NRAP: variants seen among roughly 807,000 people sequenced by gnomAD.
NRAP encodes nebulin-related-anchoring protein.
NRAP carries 189 observed loss-of-function variants against 225.9 expected under a neutral mutation model. That is an observed-to-expected ratio of 0.84 (90% CI 0.74 to 0.94). NRAP has a LOEUF of 0.94. Among genes scored for constraint, NRAP ranks in the 40% least tolerant of loss-of-function variants. The pLI is 0.00. For missense variants in NRAP, 2,176 were observed against 2,168.7 expected (o/e 1.00, Z -0.07); for synonymous variants, 769 against 790.7 (o/e 0.97, Z 0.46).
intron 20 of NRAP, among the ~76,000 whole-genome samples, chr10:113,627,178 A>G (rs1848333754): frequency 6.6e-6 from 1 of 152,244 alleles, no homozygotes; most frequent in African/African-American, 2.4e-5. Context: ...ACAGTCTTCT[A>G]ATTTTCCTCC....
At chr10:113,623,894 T>C (rs749303353) in intron 22 of NRAP, among the ~76,000 whole-genome samples, 11 of 152,198 alleles carry the variant, frequency 7.2e-5, no homozygotes, top group Non-Finnish European at 1.5e-4. Flanking sequence ...GGAGTTTTCG[T>C]GGAAGTCTCA....
In NRAP at chr10:113,604,698, C is replaced by A; in HGVS notation, c.4138G>T (p.Asp1380Tyr). The change falls in exon 35 of 42, where the codon GAC becomes TAC. Residue 1380 changes from aspartate to tyrosine, a missense_variant. Asp to Tyr is a radical substitution (Grantham distance 160, BLOSUM62 -3). Transcript: ENST00000359988. ...AACTTGTGATACTGTGTCCTGTAGT[C>A]GTGGTCGCTGGCCAGAGCCTGGGCA... ...KNAQALASDH[D>Y]YRTQYHKFTA... 6.2e-7 allele frequency: 1 copy of A among 1,614,166 alleles called. No individual in the cohort carries two copies. Among genetic ancestry groups the A allele is most frequent in the Non-Finnish European group, 8.5e-7 (1 of 1,180,028 alleles).
chr10:113,649,942 A>AGCC, intron 9 of NRAP, 95 bp downstream of exon 9: 1 of 725,760 alleles, frequency 1.4e-6, no homozygotes, highest in Non-Finnish European at 2.4e-6. Context: ...GATAAACCAA[A>AGCC]GCCCCACCCC....
At position 113,652,455 on chromosome 10, in the gene NRAP, C is replaced by A. The variant is rs79151605; in HGVS notation, c.570+480G>T. Among the ~76,000 whole-genome samples, 177 of 152,202 alleles carry A rather than the reference C, an allele frequency of 1.2e-3. 6 individuals are homozygous for A. In the East Asian group the frequency reaches 0.033, roughly 29 times the overall value. ...AAGAGATTAAGACCATCCTGGCCAA[C>A]ATGGTGAAACCCCATCTCTACTACT... On this transcript the variant is annotated intron_variant, in intron 6 of 41. Transcript: ENST00000359988.
intron 18 of NRAP, among the ~76,000 whole-genome samples, chr10:113,630,540 A>G (rs1848522892): frequency 6.6e-6 from 1 of 152,130 alleles, no homozygotes; most frequent in Admixed American, 6.5e-5. Context: ...GTGCCAGGTA[A>G]TAAGAGTTCT....
At position 113,623,568 on chromosome 10, in the gene NRAP, G is replaced by C; in HGVS notation, c.2418C>G (p.Thr806=). ...KGFELRLDSL[T]FLAAKAKRDL... is the part of the protein sequence containing the mutation. ...CCCTCTTGGCTTTGGCTGCCAGGAA[G>C]GTCAAGGAATCAAGACGCAGCTCAA... Residue 806 remains threonine (T), a synonymous_variant, in exon 23 of 42, where the codon ACC becomes ACG. Coordinates refer to ENST00000359988, the MANE Select transcript of NRAP (RefSeq NM_198060.4). The C allele has an allele frequency of 6.2e-7, 1 of 1,613,814 alleles. No individual in the cohort carries two copies. Among genetic ancestry groups the C allele is most frequent in the Non-Finnish European group, 8.5e-7 (1 of 1,179,762 alleles).
At chr10:113,640,432 G>T (rs575618529) in intron 13 of NRAP, 101 bp from the exon 14 acceptor site, 1 of 620,312 alleles carries the variant, frequency 1.6e-6, no homozygotes, top group Non-Finnish European at 2.8e-6. Flanking sequence ...ACCCAGAAAC[G>T]AATTCAGTTT....
intron 31 of NRAP, among the ~76,000 whole-genome samples, chr10:113,608,907 C>A (rs1179007179): frequency 6.6e-6 from 1 of 152,156 alleles, no homozygotes; most frequent in Non-Finnish European, 1.5e-5. Flanking sequence ...GCCTGTAATC[C>A]CAGCACTTTA....
In NRAP at chr10:113,588,937, T is replaced by A. The variant is rs373760059; in HGVS notation, c.*38A>T. ...TGAAGCCTGTCTCTGGTGAACAAAC[T>A]TCCTCTCTGGCCTCTCAGGAATCAG... On this transcript the variant is annotated 3_prime_UTR_variant, in exon 42 of 42. Transcript: ENST00000359988. The A allele has an allele frequency of 1.9e-6, 3 of 1,544,220 alleles. No homozygotes were observed. Among genetic ancestry groups the A allele is most frequent in the African/African-American group, 2.7e-5 (2 of 72,912 alleles).
intron 16 of NRAP, 64 bp from the exon 17 acceptor site, chr10:113,632,028 T>G: frequency 9.5e-7 from 1 of 1,057,402 alleles, no homozygotes; most frequent in South Asian, 1.3e-5. Context: ...CGTCAAAGAT[T>G]TTTTCAAAGC....
chr10:113,621,997 C>T lies in NRAP; in HGVS notation c.2641G>A (p.Val881Met), dbSNP rs189150188. ...CHVSLDMVHL[V>M]HARKAQHLAT... ...AAATGCTGAGCTTTGCGGGCATGCACGAGGTGGACCATGTCCAGGGAGACG... is the reference window on the plus strand; with the variant it reads ...AAATGCTGAGCTTTGCGGGCATGCATGAGGTGGACCATGTCCAGGGAGACG... The change falls in exon 24 of 42, where the codon GTG becomes ATG. Residue 881 changes from valine (V) to methionine (M), a missense_variant. Physicochemically the swap from Val to Met is conservative, Grantham distance 21. Transcript: ENST00000359988. The T allele has an allele frequency of 9.5e-5, 153 of 1,614,190 alleles. 3 individuals are homozygous for T. In the East Asian group the frequency reaches 1.4e-3, roughly 15 times the overall value.
intron 32 of NRAP, among the ~76,000 whole-genome samples, chr10:113,606,938 C>T (rs554834679): frequency 2.6e-5 from 4 of 152,194 alleles, no homozygotes; most frequent in South Asian, 2.1e-4. Flanking sequence ...CGTGGTGGTT[C>T]ATGCCTGTAA....
intron 24 of NRAP, among the ~76,000 whole-genome samples, chr10:113,621,174 G>C (rs1216937778): frequency 6.6e-6 from 1 of 152,212 alleles, no homozygotes; most frequent in Non-Finnish European, 1.5e-5. Context: ...ACCTCAGTGG[G>C]GGGGCAGGGT....
Position 113,612,401 on chromosome 10 carries a change from T to C in NRAP, c.3331A>G (p.Lys1111Glu), listed in dbSNP as rs764483575. The C allele has an allele frequency of 3.7e-6, 6 of 1,614,140 alleles. No homozygotes were observed. The Admixed American group carries it at 6.7e-5, about 18-fold the overall frequency. Residue 1111 changes from lysine (K) to glutamate (E), a missense_variant, in exon 30 of 42, where the codon AAG becomes GAG. Physicochemically the swap from Lys to Glu is moderately conservative, Grantham distance 56 (BLOSUM62 1). Coordinates refer to ENST00000359988, the MANE Select transcript of NRAP (RefSeq NM_198060.4). ...TCCAACGGCAGATGGAACTGCGCCT[T>C]TGAGTGTTCAAAGCCTTTCTTGTAA... The part of the protein sequence containing the change: ...VNYKKGFEHS[K>E]AQFHLPLDMA...
chr10:113,626,161 AG>A lies in NRAP; in HGVS notation c.2146-17del, dbSNP rs760066754. 14 of 1,574,520 alleles carry A rather than the reference AG, an allele frequency of 8.9e-6. No homozygotes were observed. The African/African-American group carries it at 1.8e-4, about 20-fold the overall frequency. ...GGTAGTTTTTCTGTTTCCAAAGGAA[AG>A]GGACCCCACAGCATTAGGATTGGGT... On this transcript the variant is annotated splice_polypyrimidine_tract_variant and intron_variant, in intron 20 of 41. Transcript: ENST00000359988.
rs536219399 is a variant in NRAP at position 113,639,805 on chromosome 10, T to C, written c.1428+422A>G. On this transcript the variant is annotated intron_variant, in intron 14 of 41. Coordinates refer to ENST00000359988, the MANE Select transcript of NRAP (RefSeq NM_198060.4). The stretch of plus-strand genomic sequence containing the variant: ...TGCTCCTGAGAAAAAATGGAGTCAA[T>C]AGTACCACTTCCTCTCAACTTGTAT... 1.5e-3 allele frequency among the ~76,000 whole-genome samples: 228 copies of C among 152,214 alleles called. 1 individual carries two copies. Among genetic ancestry groups the C allele is most frequent in the Non-Finnish European group, 2.5e-3 (172 of 68,036 alleles).
At chr10:113,634,841 A>C (rs1260587876) in intron 14 of NRAP, among the ~76,000 whole-genome samples, 1 of 152,210 alleles carries the variant, frequency 6.6e-6, no homozygotes, top group Non-Finnish European at 1.5e-5. Context: ...GAGAAACAAA[A>C]AGTCCAACCA....
intron 3 of NRAP, among the ~76,000 whole-genome samples, chr10:113,659,157 G>A (rs1016262310): frequency 2.6e-5 from 4 of 152,010 alleles, no homozygotes; most frequent in Non-Finnish European, 2.9e-5. Flanking sequence ...TGAACATTAC[G>A]TAAACTTAAA....
chr10:113,607,377 G>C (rs1190112678), intron 32 of NRAP, among the ~76,000 whole-genome samples: 1 of 113,302 alleles, frequency 8.8e-6, no homozygotes, highest in Non-Finnish European at 1.7e-5. Flanking sequence ...ACTCCAGCCT[G>C]GGTGAAAGAG....
Sources: gnomAD v4.1 joint callset for allele counts (sites outside exome capture counted in the v4.1 genomes callset) on GRCh38, gnomAD v4.1.1 for gene constraint, MANE v1.5 for transcripts, NCBI Gene and HGNC (gene_info 2026-07-23, HGNC 2026-07-21) for gene names.